PPARG: variants seen among roughly 807,000 people sequenced by gnomAD.
The protein encoded by PPARG is peroxisome proliferator activated receptor gamma.
In PPARG, 17 loss-of-function variants were observed where a neutral mutation model predicts 39.2. The ratio of observed to expected loss-of-function variants is 0.43; its 90% CI spans 0.30 to 0.65. The LOEUF (loss-of-function observed/expected upper bound fraction) is 0.65, where lower values mean the gene tolerates loss of function less well. Ranked by LOEUF, PPARG falls within the 30% of genes least tolerant of loss-of-function variation. The pLI, the probability that PPARG is intolerant of heterozygous loss-of-function variation, is 0.13. For missense variants in PPARG, 406 were observed against 585.9 expected (o/e 0.69, Z 3.17); for synonymous variants, 223 against 215.7 (o/e 1.03, Z -0.30).
intron 2 of PPARG, among the ~76,000 whole-genome samples, chr3:12,333,911 G>A (rs912264768): frequency 4.6e-5 from 7 of 152,120 alleles, no homozygotes; most frequent in Non-Finnish European, 7.4e-5. Context: ...ATTGTCCCCA[G>A]CCATCCCATT....
intron 2 of PPARG, among the ~76,000 whole-genome samples, chr3:12,328,966 C>T (rs1456490044): frequency 6.6e-6 from 1 of 152,148 alleles, no homozygotes; most frequent in Non-Finnish European, 1.5e-5. Context: ...TGGCCAATAT[C>T]ATAAGATGGA....
intron 2 of PPARG, among the ~76,000 whole-genome samples, chr3:12,320,371 T>TTGCTGGTAA (rs2047507449): frequency 6.6e-6 from 1 of 152,256 alleles, no homozygotes; most frequent in Non-Finnish European, 1.5e-5. Flanking sequence ...ATTTATTTCC[T>TTGCTGGTAA]TGCTGGTAAT....
intron 2 of PPARG, among the ~76,000 whole-genome samples, chr3:12,341,750 G>T (rs779691996): frequency 6.6e-6 from 1 of 151,930 alleles, no homozygotes; most frequent in African/African-American, 2.4e-5. Flanking sequence ...CAGAGGTTGC[G>T]GTGAGCTATG....
At chr3:12,406,209 C>T in intron 6 of PPARG, 128 bp downstream of exon 6, 1 of 967,348 alleles carries the variant, frequency 1.0e-6, no homozygotes, top group Non-Finnish European at 1.6e-6. Flanking sequence ...TGGCTGTTAA[C>T]ATATTGCAGG....
intron 2 of PPARG, among the ~76,000 whole-genome samples, chr3:12,336,056 A>G (rs2048003608): frequency 6.6e-6 from 1 of 152,170 alleles, no homozygotes; most frequent in Non-Finnish European, 1.5e-5. Context: ...AGTTTGGGTA[A>G]GGAGGTATAT....
intron 7 of PPARG, among the ~76,000 whole-genome samples, chr3:12,425,832 G>T (rs552828834): frequency 6.6e-6 from 1 of 152,232 alleles, no homozygotes; most frequent in Non-Finnish European, 1.5e-5. Context: ...TAACCCCAGG[G>T]TGCACAGAGG....
upstream of PPARG, chr3:12,287,767 C>G (rs2046538647): frequency 6.7e-6 from 1 of 148,150 alleles, no homozygotes; most frequent in African/African-American, 2.5e-5. Context: ...GAGCCCGGGC[C>G]GCTCCCTCCC....
chr3:12,383,856 G>C (rs1174568645), intron 4 of PPARG, among the ~76,000 whole-genome samples: 1 of 152,040 alleles, frequency 6.6e-6, no homozygotes, highest in Non-Finnish European at 1.5e-5. Context: ...AAAAAGAGAA[G>C]AGAGAGGAGG....
chr3:12,421,015 A>G (rs2051241889), intron 7 of PPARG, among the ~76,000 whole-genome samples: 1 of 152,230 alleles, frequency 6.6e-6, no homozygotes, highest in Non-Finnish European at 1.5e-5. Context: ...TTTCATGTTC[A>G]TTCTCTCATT....
rs115970810 is a variant in PPARG, at chr3:12,396,629, G to A, written c.529+3877G>A. ...AAAAATTAGTCGGGCGTGATGGCTT[G>A]TGCCTGTGGTTTCAGCTACTCGGGA... On this transcript the variant is annotated intron_variant, in intron 5 of 7. Coordinates refer to ENST00000651735, the MANE Select transcript of PPARG (RefSeq NM_138711.6). Among the ~76,000 whole-genome samples, 133 of 152,024 alleles carry A rather than the reference G, an allele frequency of 8.7e-4. 1 individual carries two copies. The highest frequency in any genetic ancestry group is 3.1e-3 in the African/African-American group (130 of 41,470).
intron 2 of PPARG, among the ~76,000 whole-genome samples, chr3:12,352,203 A>C (rs1339046707): frequency 6.6e-6 from 1 of 152,130 alleles, no homozygotes; most frequent in African/African-American, 2.4e-5. Flanking sequence ...TGTAGGACCA[A>C]GTGGTGCTCT....
intron 1 of PPARG, 41 bp from the exon 2 acceptor site, chr3:12,312,339 T>C (rs1241092975): frequency 6.6e-6 from 1 of 152,248 alleles, no homozygotes; most frequent in Non-Finnish European, 1.5e-5. Context: ...ATTCTGAACA[T>C]GTGTGTATAT....
At chr3:12,366,449 T>C (rs1201751411) in intron 2 of PPARG, among the ~76,000 whole-genome samples, 1 of 152,078 alleles carries the variant, frequency 6.6e-6, no homozygotes, top group Non-Finnish European at 1.5e-5. Context: ...TTTCTTGTCT[T>C]GTTACGTTAG....
At chr3:12,354,585 C>G (rs1417489429) in intron 2 of PPARG, among the ~76,000 whole-genome samples, 5 of 151,898 alleles carry the variant, frequency 3.3e-5, no homozygotes, top group African/African-American at 1.2e-4. Flanking sequence ...AACCCTGTCT[C>G]TACTAAAAAT....
intron 2 of PPARG, among the ~76,000 whole-genome samples, chr3:12,320,549 C>A (rs1391370166): frequency 6.6e-6 from 1 of 152,088 alleles, no homozygotes; most frequent in Non-Finnish European, 1.5e-5. Context: ...AAATATAGGC[C>A]AGACACAGTG....
At chr3:12,310,614 C>T (rs1218360429) in intron 1 of PPARG, among the ~76,000 whole-genome samples, 1 of 123,932 alleles carries the variant, frequency 8.1e-6, no homozygotes. Context: ...CAGGCGCCCG[C>T]CACTACGCCC....
chr3:12,384,775 C>CA (rs2049812334), intron 4 of PPARG, among the ~76,000 whole-genome samples: 1 of 152,094 alleles, frequency 6.6e-6, no homozygotes, highest in Admixed American at 6.6e-5. Flanking sequence ...CTGGAAGCTA[C>CA]ATGATGTAGG....
At chr3:12,325,830 TTGAC>T (rs2047679363) in intron 2 of PPARG, among the ~76,000 whole-genome samples, 2 of 152,190 alleles carry the variant, frequency 1.3e-5, no homozygotes, top group Non-Finnish European at 2.9e-5. Flanking sequence ...AACTTGTGAA[TTGAC>T]TGACAGTGGA....
chr3:12,380,065 A>G, intron 3 of PPARG, 134 bp downstream of exon 3: 3 of 874,178 alleles, frequency 3.4e-6, no homozygotes, highest in Admixed American at 2.0e-5. Flanking sequence ...TTATTCACCC[A>G]TTTATCCATG....
Sources: allele counts gnomAD v4.1 joint callset (sites outside exome capture counted in the v4.1 genomes callset), GRCh38; gene constraint gnomAD v4.1.1; transcripts MANE v1.5; gene names NCBI Gene and HGNC (gene_info 2026-07-23, HGNC 2026-07-21).